Variants in UPF2 observed in about 807,000 individuals in gnomAD.
The protein encoded by UPF2 is regulator of nonsense transcripts 2.
A neutral mutation model predicts 141.4 loss-of-function variants in UPF2; 17 were observed. The observed-to-expected ratio is 0.12, with a 90% confidence interval of 0.08 to 0.18. UPF2 has a LOEUF of 0.18. UPF2 is among the 10% of genes least tolerant of loss of function. The probability of loss-of-function intolerance (pLI) is 1.00; values close to 1 mark genes in which losing one functional copy is unlikely to be tolerated. For synonymous variants in UPF2, 540 were observed against 498.0 expected, an observed-to-expected ratio of 1.08 and a Z score of -1.12; for missense variants, 1,152 against 1,515.9, an observed-to-expected ratio of 0.76 and a Z score of 3.99.
chr10:12,029,996 T>A (rs561481662), intron 2 of UPF2, among the ~76,000 whole-genome samples: 7 of 151,774 alleles, frequency 4.6e-5, no homozygotes, highest in Admixed American at 4.6e-4. Flanking sequence ...TAAAGACATT[T>A]TACTAACGAC....
At position 11,941,164 on chromosome 10, in the gene UPF2, T is replaced by C. The variant is rs536321012; in HGVS notation, c.3378+1501A>G. 1.6e-4 allele frequency among the ~76,000 whole-genome samples: 24 copies of C among 152,330 alleles called. No individual in the cohort carries two copies. In the South Asian group the frequency reaches 4.8e-3, roughly 30 times the overall value. ...ATTTATCACTTTATACTTAGCCCGA[T>C]GCACACTGTTAAGCACACAATAGGT... is the stretch of plus-strand genomic sequence containing the variant. On this transcript the variant is annotated intron_variant, in intron 18 of 21. Coordinates refer to ENST00000357604, the MANE Select transcript of UPF2 (RefSeq NM_015542.4).
intron 3 of UPF2, among the ~76,000 whole-genome samples, chr10:12,022,079 G>A (rs1834327933): frequency 6.6e-6 from 1 of 152,108 alleles, no homozygotes; most frequent in South Asian, 2.1e-4. Flanking sequence ...GGTGGAAGTT[G>A]CAGTGAGCCA....
At chr10:11,999,043 C>G (rs1403905046) in intron 7 of UPF2, among the ~76,000 whole-genome samples, 1 of 146,324 alleles carries the variant, frequency 6.8e-6, no homozygotes, top group African/African-American at 2.5e-5. Context: ...AAAAAAAACT[C>G]ATTTGTATGG....
chr10:11,964,831 AATTTTC>A (rs1337462925), intron 10 of UPF2, among the ~76,000 whole-genome samples: 1 of 152,168 alleles, frequency 6.6e-6, no homozygotes, highest in Non-Finnish European at 1.5e-5. Context: ...TCGGATTTCC[AATTTTC>A]TGAGATTGTG....
intron 3 of UPF2, among the ~76,000 whole-genome samples, chr10:12,026,935 G>A (rs1217351902): frequency 6.6e-6 from 1 of 152,102 alleles, no homozygotes; most frequent in African/African-American, 2.4e-5. Context: ...TTACAGGTGT[G>A]AGCCACCATT....
intron 4 of UPF2, among the ~76,000 whole-genome samples, chr10:12,006,599 A>G (rs1834039431): frequency 1.3e-5 from 2 of 152,234 alleles, no homozygotes; most frequent in Non-Finnish European, 2.9e-5. Context: ...CACCAAAAAG[A>G]AAAACACTGA....
At chr10:11,963,091 C>G (rs1373056963) in intron 11 of UPF2, among the ~76,000 whole-genome samples, 2 of 152,048 alleles carry the variant, frequency 1.3e-5, no homozygotes, top group African/African-American at 4.8e-5. Context: ...GGGTCTAGCA[C>G]AGAGTTCACA....
chr10:11,946,578 ACTG>A (rs138432099), intron 16 of UPF2, among the ~76,000 whole-genome samples: 332 of 152,244 alleles, frequency 2.2e-3, no homozygotes, highest in African/African-American at 7.6e-3. Context: ...CCAGTGAAAA[ACTG>A]CTAATTTCAT....
rs147028740 is a variant in UPF2, at chr10:11,984,120, T to C, written c.1845-4955A>G. 5.1e-4 allele frequency among the ~76,000 whole-genome samples: 78 copies of C among 152,044 alleles called. No individual in the cohort carries two copies. In the East Asian group the frequency reaches 0.015, roughly 28 times the overall value. On this transcript the variant is annotated intron_variant, in intron 8 of 21. Coordinates refer to ENST00000357604, the MANE Select transcript of UPF2 (RefSeq NM_015542.4). ...GTATTTTTAGTAGAGACGGGGTTTC[T>C]CCATGTTGGTCAGGGTGGTCTGGAA...
chr10:11,963,923 T>C, intron 11 of UPF2, 86 bp downstream of exon 11: 2 of 872,668 alleles, frequency 2.3e-6, no homozygotes, highest in Non-Finnish European at 3.5e-6. Context: ...AAGAATAAGA[T>C]AACCAGCACT....
In UPF2 at chr10:11,935,747, C is replaced by T. The variant is rs1444866732; in HGVS notation, c.3546+798G>A. ...GGCAGGAACATTGTTCTGTTTATCACTGTAGCCTCAGGACCTGAAATAGAA... is the reference window on the plus strand; with the variant it reads ...GGCAGGAACATTGTTCTGTTTATCATTGTAGCCTCAGGACCTGAAATAGAA... On this transcript the variant is annotated intron_variant, in intron 19 of 21. Coordinates refer to ENST00000357604, the MANE Select transcript of UPF2 (RefSeq NM_015542.4). The surrounding 1 kb of genome is among the most constrained non-coding windows in gnomAD (Gnocchi z 4.9). Among the ~76,000 whole-genome samples, 1 of 152,204 alleles carries T rather than the reference C, an allele frequency of 6.6e-6. No homozygotes were observed. Among genetic ancestry groups the T allele is most frequent in the African/African-American group, 2.4e-5 (1 of 41,448 alleles).
At position 11,931,648 on chromosome 10, in the gene UPF2, ATCT is replaced by A. The variant is rs768755409; in HGVS notation, c.3678_3680del (p.Glu1226del). 1.9e-6 allele frequency: 3 copies of A among 1,599,394 alleles called. No homozygotes were observed. Among genetic ancestry groups the A allele is most frequent in the Non-Finnish European group, 8.5e-7 (1 of 1,176,588 alleles). ...TTATAGATGATTTTATACCTTGATA[ATCT>A]TCTTGTTCTTGCCGTTCATTGATAT... On this transcript the variant is annotated inframe_deletion, in exon 20 of 22. Transcript: ENST00000357604. The surrounding 1 kb of genome is among the most constrained non-coding windows in gnomAD (Gnocchi z 5.9).
intron 1 of UPF2, among the ~76,000 whole-genome samples, chr10:12,039,612 C>G (rs947387348): frequency 6.9e-6 from 1 of 145,046 alleles, no homozygotes; most frequent in African/African-American, 2.5e-5. Flanking sequence ...AATTATGTCT[C>G]TCTCTCTCTC....
At chr10:11,930,365 A>G (rs936964903) in intron 20 of UPF2, among the ~76,000 whole-genome samples, 1 of 152,226 alleles carries the variant, frequency 6.6e-6, no homozygotes, top group Admixed American at 6.5e-5. Context: ...CCTCAATGTA[A>G]AATGCAGATA....
Position 11,928,716 on chromosome 10 carries a change from A to C in UPF2, c.3809+1149T>G, listed in dbSNP as rs182148835. 370 of 371,120 alleles carry C rather than the reference A, an allele frequency of 1.0e-3. 3 individuals carry two copies. The highest frequency in any genetic ancestry group is 7.5e-3 in the African/African-American group (337 of 45,128). 23.0% of individuals were successfully genotyped at this position (371,120 alleles called of 1,614,324 possible). A position where few individuals can be genotyped will look rare whatever the true frequency, so the allele number is the denominator to read the frequency against. On this transcript the variant is annotated intron_variant, in intron 21 of 21. Coordinates refer to ENST00000357604, the MANE Select transcript of UPF2 (RefSeq NM_015542.4). ...AGAGCCAGACTCCGCCTCAGAAAAA[A>C]AAAAAACTAAAAACCATAAAAGAGG... is the stretch of plus-strand genomic sequence containing the variant.
intron 14 of UPF2, among the ~76,000 whole-genome samples, chr10:11,954,974 A>G (rs1316862972): frequency 6.6e-6 from 1 of 152,056 alleles, no homozygotes; most frequent in Non-Finnish European, 1.5e-5. Context: ...CCAAATTTAT[A>G]AACTGTATGA....
rs1248959062 is a variant in UPF2, at chr10:11,939,943, T to A, written c.3378+2722A>T. The stretch of plus-strand genomic sequence containing the variant: ...CTGCATTGATCTCCCTGCTCTTCTC[T>A]TTCCCTTGGAAAAACAAAACAAAAC... On this transcript the variant is annotated intron_variant, in intron 18 of 21. Coordinates refer to ENST00000357604, the MANE Select transcript of UPF2 (RefSeq NM_015542.4). This position sits in a 1 kb window ranked among gnomAD's most constrained non-coding sequence, Gnocchi z 4.8. 1.3e-5 allele frequency among the ~76,000 whole-genome samples: 2 copies of A among 152,208 alleles called. No homozygotes were observed. Among genetic ancestry groups the A allele is most frequent in the Non-Finnish European group, 2.9e-5 (2 of 68,038 alleles).
At position 11,952,267 on chromosome 10, in the gene UPF2, A is replaced by G. The variant is rs748595608; in HGVS notation, c.2851-18T>C. 1 of 1,570,408 alleles carries G rather than the reference A, an allele frequency of 6.4e-7. No individual in the cohort carries two copies. Among genetic ancestry groups the G allele is most frequent in the South Asian group, 1.2e-5 (1 of 82,910 alleles). ...ACATAACGCTGATAACAAATGAAAA[A>G]TAAATTTAGCTATAAGAAATTAGTA... On this transcript the variant is annotated intron_variant, in intron 14 of 21. Coordinates refer to ENST00000357604, the MANE Select transcript of UPF2 (RefSeq NM_015542.4).
At chr10:12,022,631 A>G (rs1834338654) in intron 3 of UPF2, among the ~76,000 whole-genome samples, 1 of 152,124 alleles carries the variant, frequency 6.6e-6, no homozygotes. Context: ...CTATAACACT[A>G]AATCTAAAGT....
Sources: allele counts gnomAD v4.1 joint callset (sites outside exome capture counted in the v4.1 genomes callset), GRCh38; gene constraint gnomAD v4.1.1; non-coding constraint Gnocchi (gnomAD v3.1); transcripts MANE v1.5; gene names NCBI Gene and HGNC (gene_info 2026-07-23, HGNC 2026-07-21).